Variants in LAYN observed in about 807,000 individuals in gnomAD.
LAYN encodes the protein layilin.
In LAYN, 38 loss-of-function variants were observed where a neutral mutation model predicts 43.6. The ratio of observed to expected loss-of-function variants is 0.87; its 90% CI spans 0.67 to 1.14. The LOEUF (loss-of-function observed/expected upper bound fraction) is 1.14. LAYN is among the 50% of genes most tolerant of loss of function. The pLI is 0.00. For missense variants in LAYN, 479 were observed against 463.8 expected, an observed-to-expected ratio of 1.03 and a Z score of -0.30; for synonymous variants, 168 against 172.9, an observed-to-expected ratio of 0.97 and a Z score of 0.22.
At position 111,542,597 on chromosome 11, in the gene LAYN, T is replaced by C. The variant is rs973449292; in HGVS notation, c.86-1326T>C. On this transcript the variant is annotated intron_variant, in intron 1 of 6. Coordinates refer to ENST00000375614, the MANE Select transcript of LAYN (RefSeq NM_178834.5). Reference sequence around the variant, plus strand: ...GCTCCCTGCGCAGCTGTAAAACAAGTTGGGAAAACAAGAACATTCCAGAAG... The same window carrying C: ...GCTCCCTGCGCAGCTGTAAAACAAGCTGGGAAAACAAGAACATTCCAGAAG... Among the ~76,000 whole-genome samples the C allele has an allele frequency of 2.0e-5, 3 of 152,324 alleles. No homozygotes were observed. In the East Asian group the frequency reaches 5.8e-4, roughly 29 times the overall value.
Position 111,555,308 on chromosome 11 carries a change from C to T in LAYN, c.658+18C>T. The T allele has an allele frequency of 1.3e-6, 2 of 1,561,742 alleles. No homozygotes were observed. Among genetic ancestry groups the T allele is most frequent in the Non-Finnish European group, 8.8e-7 (1 of 1,134,102 alleles). On this transcript the variant is annotated intron_variant, in intron 5 of 6. Coordinates refer to ENST00000375614, the MANE Select transcript of LAYN (RefSeq NM_178834.5). ...AAGTAGAGGTATCTACAAAACTCTC[C>T]TGGGAAAGATGAATAATCAGGCTCC...
rs1254771155 is a variant in LAYN, at chr11:111,549,683, C to T, written c.449C>T (p.Ser150Leu). The change falls in exon 3 of 7, where the codon TCG becomes TTG. Residue 150 changes from serine to leucine, a missense_variant. Coordinates refer to ENST00000375614, the MANE Select transcript of LAYN (RefSeq NM_178834.5). ...TGCGTGGTCATGTACCATCAGCCAT[C>T]GGCACCCGCTGGCATCGGAGGCCCC... is the stretch of plus-strand genomic sequence containing the variant. ...EVCVVMYHQP[S>L]APAGIGGPYM... 5.0e-6 allele frequency: 8 copies of T among 1,602,880 alleles called. No homozygotes were observed. The highest frequency in any genetic ancestry group is 1.3e-5 in the African/African-American group (1 of 74,162).
Position 111,559,682 on chromosome 11 carries a change from C to T in LAYN, c.762-413C>T, listed in dbSNP as rs146584671. Among the ~76,000 whole-genome samples, 1,165 of 152,218 alleles carry T rather than the reference C, an allele frequency of 7.7e-3. 25 individuals carry two copies. The highest frequency in any genetic ancestry group is 0.026 in the African/African-American group (1,081 of 41,514). ...ACATGTTGCCCAGGCTGGTCTCAAA[C>T]TCCTGGGCTCAAGTGATCCACCTGC... On this transcript the variant is annotated intron_variant, in intron 6 of 6. Transcript: ENST00000375614.
In LAYN at chr11:111,560,601, C is replaced by T; in HGVS notation, c.*143C>T. ...GATGAGCATGTGGTCCCCACGACCT[C>T]CTGTTGGACCCCCACGTTTTGGCTG... is the stretch of plus-strand genomic sequence containing the variant. On this transcript the variant is annotated 3_prime_UTR_variant, in exon 7 of 7. Coordinates refer to ENST00000375614, the MANE Select transcript of LAYN (RefSeq NM_178834.5). 1.1e-6 allele frequency: 1 copy of T among 884,626 alleles called. No individual in the cohort carries two copies. The highest frequency in any genetic ancestry group is 1.7e-6 in the Non-Finnish European group (1 of 592,292). The allele number at this position is 884,626 out of a possible 1,614,324, so 54.8% of individuals were successfully genotyped here.
Position 111,549,760 on chromosome 11 carries a change from T to C in LAYN, c.526T>C (p.Cys176Arg). 2.5e-6 allele frequency: 4 copies of C among 1,603,544 alleles called. No individual in the cohort carries two copies. The highest frequency in any genetic ancestry group is 3.4e-6 in the Non-Finnish European group (4 of 1,176,144). Reference protein sequence around the residue: ...DRCNMKNNFICKYSDEKPAVP... With the variant: ...DRCNMKNNFIRKYSDEKPAVP... ...GTGCAACATGAAGAACAATTTCATT[T>C]GCAAATATTCTGATGGTAATGAATC... is the stretch of plus-strand genomic sequence containing the variant. The change falls in exon 3 of 7, where the codon TGC becomes CGC. Residue 176 changes from cysteine to arginine, a missense_variant. Coordinates refer to ENST00000375614, the MANE Select transcript of LAYN (RefSeq NM_178834.5).
At chr11:111,542,137 T>C (rs1418375566) in intron 1 of LAYN, among the ~76,000 whole-genome samples, 1 of 152,236 alleles carries the variant, frequency 6.6e-6, no homozygotes, top group Non-Finnish European at 1.5e-5. Context: ...GATAAGTTCC[T>C]GGGGGCTCAT....
chr11:111,545,848 G>T lies in LAYN; in HGVS notation c.383+1628G>T, dbSNP rs144288020. ...TTGGAAACACAGGACTGTATAAAGG[G>T]CACGTGAGTTATTGCCTTTTTCAGA... On this transcript the variant is annotated intron_variant, in intron 2 of 6. Transcript: ENST00000375614. Among the ~76,000 whole-genome samples the T allele has an allele frequency of 2.2e-3, 337 of 152,272 alleles. 1 individual carries two copies. Among genetic ancestry groups the T allele is most frequent in the Non-Finnish European group, 3.8e-3 (258 of 68,024 alleles).
intron 5 of LAYN, among the ~76,000 whole-genome samples, chr11:111,556,451 G>T (rs180802839): frequency 3.2e-4 from 48 of 152,280 alleles, no homozygotes; most frequent in Non-Finnish European, 5.9e-5. Context: ...GGTCTTTCTG[G>T]CATGGCCAGC....
chr11:111,549,530 C>A, intron 2 of LAYN, 88 bp from the exon 3 acceptor site: 1 of 1,128,998 alleles, frequency 8.9e-7, no homozygotes, highest in Non-Finnish European at 1.2e-6. Context: ...ATGTTTATGG[C>A]TCAGTGAGAC....
chr11:111,549,473 ACTT>A (rs1158031482), intron 2 of LAYN, 142 bp from the exon 3 acceptor site: 1 of 588,342 alleles, frequency 1.7e-6, no homozygotes, highest in African/African-American at 2.0e-5. Context: ...TACTGGCAGT[ACTT>A]CAATTCCTAC....
intron 3 of LAYN, among the ~76,000 whole-genome samples, chr11:111,552,668 T>A (rs912605761): frequency 2.0e-5 from 3 of 152,252 alleles, no homozygotes; most frequent in Non-Finnish European, 4.4e-5. Flanking sequence ...GTGCCGTTTT[T>A]AACTTTGCAC....
At chr11:111,560,025 A>T in intron 6 of LAYN, 70 bp from the exon 7 acceptor site, 1 of 1,511,060 alleles carries the variant, frequency 6.6e-7, no homozygotes, top group Non-Finnish European at 8.9e-7. Context: ...CTCTCGTCTC[A>T]ACAGGAAGCA....
intron 2 of LAYN, among the ~76,000 whole-genome samples, chr11:111,545,353 C>T (rs1288122236): frequency 6.6e-6 from 1 of 152,114 alleles, no homozygotes; most frequent in Admixed American, 6.5e-5. Flanking sequence ...CAACGGTTGA[C>T]CTTGTGGCAT....
At chr11:111,554,248 C>T (rs1867794834) in intron 3 of LAYN, among the ~76,000 whole-genome samples, 1 of 152,150 alleles carries the variant, frequency 6.6e-6, no homozygotes, top group African/African-American at 2.4e-5. Flanking sequence ...GTTGAAGCTG[C>T]ATGACGATAC....
intron 3 of LAYN, among the ~76,000 whole-genome samples, chr11:111,550,631 C>T (rs1333497609): frequency 6.6e-6 from 1 of 152,138 alleles, no homozygotes; most frequent in African/African-American, 2.4e-5. Context: ...AGATGTTTTT[C>T]TCTCTCTTTG....
chr11:111,560,652 A>C lies in LAYN; in HGVS notation c.*194A>C. On this transcript the variant is annotated 3_prime_UTR_variant, in exon 7 of 7. Transcript: ENST00000375614. ...TATCCTTTATCCCAGCCAGTCATCC[A>C]GCTCGACCTTATGAGAAGGTACCTT... 2 of 598,876 alleles carry C rather than the reference A, an allele frequency of 3.3e-6. No individual in the cohort carries two copies. The highest frequency in any genetic ancestry group is 5.8e-5 in the East Asian group (2 of 34,602). 37.1% of individuals were successfully genotyped at this position (598,876 alleles called of 1,614,324 possible).
Position 111,560,521 on chromosome 11 carries a change from T to A in LAYN, c.*63T>A, listed in dbSNP as rs553865881. 2 of 1,511,942 alleles carry A rather than the reference T, an allele frequency of 1.3e-6. No individual in the cohort carries two copies. Among genetic ancestry groups the A allele is most frequent in the Non-Finnish European group, 1.8e-6 (2 of 1,120,158 alleles). The allele number at this position is 1,511,942 out of a possible 1,614,324, so 93.7% of individuals were successfully genotyped here. ...AAATGATAAGCAAAATCCTCTTATT[T>A]TCTATAAGGAAAATACACAGAAGGT... On this transcript the variant is annotated 3_prime_UTR_variant, in exon 7 of 7. Transcript: ENST00000375614.
chr11:111,547,651 G>A (rs1282271164), intron 2 of LAYN, among the ~76,000 whole-genome samples: 1 of 152,158 alleles, frequency 6.6e-6, no homozygotes, highest in Non-Finnish European at 1.5e-5. Flanking sequence ...CCACAATCAG[G>A]CTTCCACTTG....
rs1218438588 is a variant in LAYN at position 111,542,508 on chromosome 11, C to A, written c.86-1415C>A. Among the ~76,000 whole-genome samples the A allele has an allele frequency of 2.6e-5, 4 of 152,186 alleles. No homozygotes were observed. The East Asian group carries it at 7.7e-4, about 29-fold the overall frequency. Reference sequence around the variant, plus strand: ...CTCATTTAGCACTAATCATATAGTTCTATCTGTCTGTGGCCCCTTGCCCTA... The same window carrying A: ...CTCATTTAGCACTAATCATATAGTTATATCTGTCTGTGGCCCCTTGCCCTA... On this transcript the variant is annotated intron_variant, in intron 1 of 6. Coordinates refer to ENST00000375614, the MANE Select transcript of LAYN (RefSeq NM_178834.5).
Sources: allele counts gnomAD v4.1 joint callset (sites outside exome capture counted in the v4.1 genomes callset), GRCh38; gene constraint gnomAD v4.1.1; transcripts MANE v1.5; gene names NCBI Gene and HGNC (gene_info 2026-07-23, HGNC 2026-07-21).